The following PLCXD3 variants were observed in gnomAD, a reference collection of about 807,000 sequenced individuals.
PLCXD3 encodes the protein phosphatidylinositol specific phospholipase C X domain containing 3.
PLCXD3 carries 19 observed loss-of-function variants against 25.5 expected under a neutral mutation model. The ratio of observed to expected loss-of-function variants is 0.75; its 90% CI spans 0.52 to 1.09. PLCXD3 has a LOEUF of 1.09. PLCXD3 is among the 50% of genes least tolerant of loss of function. The probability of loss-of-function intolerance (pLI) is 0.00; values close to 1 mark genes in which losing one functional copy is unlikely to be tolerated. For synonymous variants in PLCXD3, 174 were observed against 137.6 expected (o/e 1.26, Z -1.85); for missense variants, 411 against 388.1 (o/e 1.06, Z -0.50).
chr5:41,333,025 C>T (rs1292570505), intron 2 of PLCXD3, among the ~76,000 whole-genome samples: 1 of 152,006 alleles, frequency 6.6e-6, no homozygotes, highest in Non-Finnish European at 1.5e-5. Flanking sequence ...AGCACACCAG[C>T]ATGGCACATG....
intron 2 of PLCXD3, among the ~76,000 whole-genome samples, chr5:41,359,274 T>C (rs1744707239): frequency 6.6e-6 from 1 of 152,138 alleles, no homozygotes; most frequent in Non-Finnish European, 1.5e-5. Flanking sequence ...TCTTTTGGAG[T>C]AGTGTCAATA....
intron 2 of PLCXD3, among the ~76,000 whole-genome samples, chr5:41,354,368 A>G (rs139216012): frequency 4.6e-5 from 7 of 152,108 alleles, no homozygotes; most frequent in Non-Finnish European, 7.4e-5. Flanking sequence ...TCTATGCCCA[A>G]TGTTTCTGAC....
chr5:41,417,442 G>A (rs1746719854), intron 1 of PLCXD3, among the ~76,000 whole-genome samples: 1 of 152,172 alleles, frequency 6.6e-6, no homozygotes, highest in African/African-American at 2.4e-5. Context: ...ACCAAGAGAG[G>A]TTAGAGAAGG....
rs1205468428 is a variant in PLCXD3, at chr5:41,368,393, G to C, written c.812+13433C>G. Reference sequence around the variant, plus strand: ...TTTTTGCACATTAATTTTGTATCCTGAGACTCTGGTGAAGTTGCTTGTCAG... The same window carrying C: ...TTTTTGCACATTAATTTTGTATCCTCAGACTCTGGTGAAGTTGCTTGTCAG... On this transcript the variant is annotated intron_variant, in intron 2 of 2. Coordinates refer to ENST00000377801, the MANE Select transcript of PLCXD3 (RefSeq NM_001005473.3). Among the ~76,000 whole-genome samples, 4 of 152,164 alleles carry C rather than the reference G, an allele frequency of 2.6e-5. No homozygotes were observed. In the East Asian group the frequency reaches 7.7e-4, roughly 29 times the overall value.
chr5:41,395,627 A>T (rs1227851866), intron 1 of PLCXD3, among the ~76,000 whole-genome samples: 1 of 152,156 alleles, frequency 6.6e-6, no homozygotes, highest in Admixed American at 6.5e-5. Flanking sequence ...AGGAAACATT[A>T]TAATTGATAC....
intron 1 of PLCXD3, among the ~76,000 whole-genome samples, chr5:41,482,071 C>CT (rs75352757): frequency 1.5e-3 from 231 of 149,904 alleles, no homozygotes; most frequent in Admixed American, 0.013. Context: ...TTCAAGATAA[C>CT]TTTTTTTTTT....
chr5:41,414,227 T>C (rs1746637635), intron 1 of PLCXD3, among the ~76,000 whole-genome samples: 1 of 151,898 alleles, frequency 6.6e-6, no homozygotes, highest in Non-Finnish European at 1.5e-5. Flanking sequence ...ATTTTTTTTT[T>C]TTAATTATTT....
At chr5:41,330,476 T>C (rs1383108744) in intron 2 of PLCXD3, among the ~76,000 whole-genome samples, 4 of 151,172 alleles carry the variant, frequency 2.6e-5, no homozygotes, top group Admixed American at 2.6e-4. Context: ...CCAAAAAGAG[T>C]CCAGGACCAG....
intron 2 of PLCXD3, among the ~76,000 whole-genome samples, chr5:41,360,471 C>G (rs1341559440): frequency 1.3e-5 from 2 of 152,086 alleles, no homozygotes; most frequent in South Asian, 4.1e-4. Context: ...CTGGTTCCTT[C>G]TCATTTGGGA....
chr5:41,391,962 C>T (rs987002271), intron 1 of PLCXD3, among the ~76,000 whole-genome samples: 7 of 152,110 alleles, frequency 4.6e-5, no homozygotes, highest in South Asian at 2.1e-4. Context: ...GATGAGGTTC[C>T]TCTGCCTTTG....
At chr5:41,492,127 C>T (rs1467109022) in intron 1 of PLCXD3, among the ~76,000 whole-genome samples, 1 of 152,078 alleles carries the variant, frequency 6.6e-6, no homozygotes, top group Admixed American at 6.5e-5. Context: ...TAGGGCAGTC[C>T]TGGTGGTGAC....
intron 2 of PLCXD3, among the ~76,000 whole-genome samples, chr5:41,358,076 T>C (rs1210619987): frequency 6.6e-6 from 1 of 152,208 alleles, no homozygotes; most frequent in Non-Finnish European, 1.5e-5. Flanking sequence ...AGCTAACATT[T>C]ATTGATCACT....
intron 1 of PLCXD3, among the ~76,000 whole-genome samples, chr5:41,414,757 T>A (rs1252328957): frequency 6.6e-6 from 1 of 152,160 alleles, no homozygotes; most frequent in Non-Finnish European, 1.5e-5. Context: ...CATGATGAAA[T>A]CTCCTGCTGT....
intron 2 of PLCXD3, among the ~76,000 whole-genome samples, chr5:41,325,195 A>G (rs1432977193): frequency 6.6e-6 from 1 of 152,236 alleles, no homozygotes; most frequent in African/African-American, 2.4e-5. Context: ...TAGATGAAAT[A>G]TGAATATTAC....
intron 2 of PLCXD3, among the ~76,000 whole-genome samples, chr5:41,325,797 A>G (rs910800748): frequency 1.3e-5 from 2 of 152,178 alleles, no homozygotes; most frequent in South Asian, 2.1e-4. Flanking sequence ...AAATACCATA[A>G]CCTGGGTAGT....
chr5:41,502,009 A>T (rs1025131964), intron 1 of PLCXD3, among the ~76,000 whole-genome samples: 2 of 151,494 alleles, frequency 1.3e-5, no homozygotes, highest in African/African-American at 4.8e-5. Context: ...GTGGTAACAA[A>T]TTTTTTTTTG....
intron 2 of PLCXD3, among the ~76,000 whole-genome samples, chr5:41,356,557 A>G (rs1744622410): frequency 6.6e-6 from 1 of 152,158 alleles, no homozygotes; most frequent in South Asian, 2.1e-4. Context: ...TAAGCCTCTT[A>G]TTATTGGGGA....
chr5:41,366,413 TG>T (rs1372830895), intron 2 of PLCXD3, among the ~76,000 whole-genome samples: 1 of 152,158 alleles, frequency 6.6e-6, no homozygotes, highest in African/African-American at 2.4e-5. Context: ...AAGTACCACA[TG>T]GGGTATCTGA....
intron 2 of PLCXD3, among the ~76,000 whole-genome samples, chr5:41,322,507 C>CA (rs953777068): frequency 3.9e-5 from 6 of 152,130 alleles, no homozygotes; most frequent in African/African-American, 1.4e-4. Context: ...GGAGGTTCTT[C>CA]AAAAAACTGA....
Sources: gnomAD v4.1 joint callset for allele counts (sites outside exome capture counted in the v4.1 genomes callset) on GRCh38, gnomAD v4.1.1 for gene constraint, MANE v1.5 for transcripts, NCBI Gene and HGNC (gene_info 2026-07-23, HGNC 2026-07-21) for gene names.